POM121: variants seen among roughly 807,000 people sequenced by gnomAD.
The protein encoded by POM121 is nuclear envelope pore membrane protein POM 121.
Under a neutral mutation model 81.3 loss-of-function variants are expected in POM121, and 32 were observed. The ratio of observed to expected loss-of-function variants is 0.39; its 90% confidence interval spans 0.30 to 0.53. The LOEUF is 0.53. POM121 is among the 20% of genes least tolerant of loss of function. The pLI, the probability that POM121 is intolerant of heterozygous loss-of-function variation, is 0.66. For synonymous variants in POM121, 514 were observed against 694.2 expected, an observed-to-expected ratio of 0.74 and a Z score of 4.08; for missense variants, 1,138 against 1,614.6, an observed-to-expected ratio of 0.70 and a Z score of 5.06.
rs782232188 is a variant in POM121 at position 72,946,140 on chromosome 7, C to T, written c.3656C>T (p.Ser1219Leu). 9 of 1,611,682 alleles carry T rather than the reference C, an allele frequency of 5.6e-6. No homozygotes were observed. Among genetic ancestry groups the T allele is most frequent in the South Asian group, 3.3e-5 (3 of 90,966 alleles). The change falls in exon 13 of 13, where the codon TCG becomes TTG. Residue 1219 changes from serine (S) to leucine (L), a missense_variant. Ser to Leu is a moderately radical substitution (Grantham distance 145). This residue lies in a region of POM121 where 336 missense variants were observed against 344.3 expected (regional missense o/e 0.98). Coordinates refer to ENST00000434423, the MANE Select transcript of POM121 (RefSeq NM_001387691.1). ...AGGTCTTGTTGAATCTTTCCAGGAT[C>T]GGCGGCCCTTTCATTTTCCATTGGT... ...QGFVGVAPFG[S>L]AALSFSIGAG...
intron 5 of POM121, among the ~76,000 whole-genome samples, chr7:72,934,922 C>T (rs1796369588): frequency 6.6e-6 from 1 of 152,002 alleles, no homozygotes. Flanking sequence ...TTACCCCTAG[C>T]CTTATACTTT....
chr7:72,948,647 A>G, downstream of POM121: 2 of 1,604,582 alleles, frequency 1.2e-6, no homozygotes, highest in Non-Finnish European at 1.7e-6. Flanking sequence ...GCGCCTCCCA[A>G]GCATGCCCCC....
At chr7:72,938,496 A>G in intron 5 of POM121, 94 bp from the exon 6 acceptor site, 1 of 1,376,268 alleles carries the variant, frequency 7.3e-7, no homozygotes, top group Non-Finnish European at 1.0e-6. Flanking sequence ...ACCATAAAGA[A>G]TGTTTTTTTA....
In POM121 at chr7:72,896,321, C is replaced by T. The variant is rs2903665; in HGVS notation, c.-216+5211C>T. 2.3e-3 allele frequency among the ~76,000 whole-genome samples: 344 copies of T among 150,062 alleles called. 2 individuals carry two copies. Among genetic ancestry groups the T allele is most frequent in the Non-Finnish European group, 4.1e-3 (273 of 67,196 alleles). On this transcript the variant is annotated intron_variant, in intron 3 of 15. Coordinates refer to the POM121 transcript ENST00000395270. The stretch of plus-strand genomic sequence containing the variant: ...GCAACATAAGGAGACCTCATTTCTA[C>T]AAAAAAATTTAAAAATTAGCCAGAA...
At position 72,938,637 on chromosome 7, in the gene POM121, C is replaced by T. The variant is rs149022790; in HGVS notation, c.1323C>T (p.Ala441=). The change falls in exon 6 of 13, where the codon GCC becomes GCT. Residue 441 remains alanine, a synonymous_variant. Transcript: ENST00000434423. The part of the protein sequence containing the change: ...GPSSSPFSSP[A]SSRSQTPERP... ...GTTCATCACCCTTCTCTAGCCCAGC[C>T]TCCTCCCGCTCCCAGACACCGGAGA... 5.6e-6 allele frequency: 9 copies of T among 1,613,882 alleles called. No homozygotes were observed. The highest frequency in any genetic ancestry group is 7.6e-6 in the Non-Finnish European group (9 of 1,179,830).
chr7:72,915,795 C>A (rs548402420), intron 4 of POM121, among the ~76,000 whole-genome samples: 1 of 152,326 alleles, frequency 6.6e-6, no homozygotes, highest in African/African-American at 2.4e-5. Flanking sequence ...GCCTCAGCCT[C>A]CCAAGTAGCT....
In POM121 at chr7:72,893,698, G is replaced by A. The variant is rs1199686822; in HGVS notation, c.-216+2588G>A. Among the ~76,000 whole-genome samples, 5 of 152,216 alleles carry A rather than the reference G, an allele frequency of 3.3e-5. No homozygotes were observed. The East Asian group carries it at 5.8e-4, about 18-fold the overall frequency. Reference sequence around the variant, plus strand: ...ACTTTAGCATTGTGCGTTGTGTGCCGGGTTTTGTCAAGCACGTGACAGCAC... The same window carrying A: ...ACTTTAGCATTGTGCGTTGTGTGCCAGGTTTTGTCAAGCACGTGACAGCAC... On this transcript the variant is annotated intron_variant, in intron 3 of 15. Coordinates refer to the POM121 transcript ENST00000395270.
chr7:72,939,652 G>T (rs1796868748), intron 7 of POM121, among the ~76,000 whole-genome samples, 195 bp from the exon 8 acceptor site: 1 of 152,240 alleles, frequency 6.6e-6, no homozygotes, highest in South Asian at 2.1e-4. Context: ...GGTGATCCCA[G>T]TAATTACTGC....
At position 72,905,375 on chromosome 7, in the gene POM121, A is replaced by G. The variant is rs191106121; in HGVS notation, c.-215-8390A>G. On this transcript the variant is annotated intron_variant, in intron 3 of 15. Transcript: ENST00000395270. ...TTTAATTCTTTTACGGTCACAGAAC[A>G]TATTTTGTATGATTTCAGTTATTTT... Among the ~76,000 whole-genome samples the G allele has an allele frequency of 2.1e-3, 314 of 152,286 alleles. 3 individuals are homozygous for G. The highest frequency in any genetic ancestry group is 0.019 in the Admixed American group (288 of 15,288).
At chr7:72,918,997 C>T (rs1554495527) in intron 4 of POM121, among the ~76,000 whole-genome samples, 1 of 152,126 alleles carries the variant, frequency 6.6e-6, no homozygotes, top group African/African-American at 2.4e-5. Flanking sequence ...GACAGGGTTT[C>T]ACCGTGTTAA....
rs375121 is a variant in POM121, at chr7:72,946,766, A to G, written c.*532A>G. On this transcript the variant is annotated 3_prime_UTR_variant, in exon 13 of 13. Coordinates refer to ENST00000434423, the MANE Select transcript of POM121 (RefSeq NM_001387691.1). ...ATTTCTTGCTGCTGTGTCCCTCACCAGTTCCTTGCAGGATTCCTTCGTTTT... is the reference window on the plus strand; with the variant it reads ...ATTTCTTGCTGCTGTGTCCCTCACCGGTTCCTTGCAGGATTCCTTCGTTTT... 2.1e-3 allele frequency: 1,781 copies of G among 836,838 alleles called. 182 individuals are homozygous for G. In the African/African-American group the frequency reaches 0.029, roughly 14 times the overall value. The allele number at this position is 836,838 out of a possible 1,614,324, so 51.8% of individuals were successfully genotyped here.
intron 1 of POM121, among the ~76,000 whole-genome samples, chr7:72,884,936 A>C (rs1308166472): frequency 3.3e-5 from 5 of 152,128 alleles, no homozygotes; most frequent in African/African-American, 4.8e-5. Context: ...TATCTAAACT[A>C]TAGTTCATTT....
intron 1 of POM121, among the ~76,000 whole-genome samples, chr7:72,880,755 A>C (rs1352664604): frequency 1.3e-5 from 2 of 149,304 alleles, no homozygotes; most frequent in East Asian, 3.9e-4. Context: ...GCATGCTGGG[A>C]TGCATCTGTG....
intron 1 of POM121, among the ~76,000 whole-genome samples, chr7:72,884,539 T>C (rs1790504464): frequency 1.7e-5 from 1 of 58,676 alleles, no homozygotes; most frequent in Non-Finnish European, 3.4e-5. Flanking sequence ...TGATAGCAAA[T>C]ATATACATAT....
chr7:72,938,449 C>A (rs1298724317), intron 5 of POM121, 141 bp from the exon 6 acceptor site: 46 of 1,066,806 alleles, frequency 4.3e-5, no homozygotes, highest in Non-Finnish European at 1.1e-5. Flanking sequence ...CCTTGGCCTC[C>A]CAGCATGCTG....
At chr7:72,943,582 G>A in intron 11 of POM121, 60 bp downstream of exon 11, 7 of 1,566,256 alleles carry the variant, frequency 4.5e-6, no homozygotes, top group Non-Finnish European at 2.6e-6. Context: ...TGCCTGCGAA[G>A]CCTGTGGTCT....
chr7:72,949,854 C>T, downstream of POM121: 1 of 1,567,078 alleles, frequency 6.4e-7, no homozygotes, highest in Non-Finnish European at 8.8e-7. Context: ...ACCCTTGGTT[C>T]TTCAGAAGAG....
At chr7:72,948,892 C>T (rs1554504081), downstream of POM121, 3 of 1,611,816 alleles carry the variant, frequency 1.9e-6, no homozygotes, top group South Asian at 1.1e-5. Context: ...CGCCCTGTAC[C>T]TGAAGGCGCC....
intron 4 of POM121, among the ~76,000 whole-genome samples, chr7:72,928,940 C>T (rs1323393112): frequency 6.6e-6 from 1 of 152,206 alleles, no homozygotes; most frequent in Non-Finnish European, 1.5e-5. Flanking sequence ...TGCTCCTGGT[C>T]TGTGCTGTTA....
Sources: gnomAD v4.1 joint callset for allele counts (sites outside exome capture counted in the v4.1 genomes callset) on GRCh38, gnomAD v4.1.1 for gene constraint, gnomAD v4.1.1 regional missense constraint, MANE v1.5 for transcripts, NCBI Gene and HGNC (gene_info 2026-07-23, HGNC 2026-07-21) for gene names.